The following KCNIP4 variants were observed in gnomAD, a reference collection of about 807,000 sequenced individuals.
The protein encoded by KCNIP4 is Kv channel-interacting protein 4.
KCNIP4 carries 12 observed loss-of-function variants against 34.0 expected under a neutral mutation model. That is an observed-to-expected ratio of 0.35 (90% CI 0.23 to 0.57). The LOEUF (loss-of-function observed/expected upper bound fraction) is 0.57. Ranked by LOEUF, KCNIP4 falls within the 20% of genes least tolerant of loss-of-function variation. The pLI, the probability that KCNIP4 is intolerant of heterozygous loss-of-function variation, is 0.83. For missense variants in KCNIP4, 238 were observed against 311.7 expected (o/e 0.76, Z 1.78); for synonymous variants, 124 against 102.2 (o/e 1.21, Z -1.29).
intron 1 of KCNIP4, among the ~76,000 whole-genome samples, chr4:21,397,309 C>A (rs987269513): frequency 6.6e-6 from 1 of 152,160 alleles, no homozygotes; most frequent in African/African-American, 2.4e-5. Context: ...TTCAATATTA[C>A]AAAATGCCCT....
At chr4:21,354,196 G>C (rs993835178) in intron 1 of KCNIP4, among the ~76,000 whole-genome samples, 3 of 152,120 alleles carry the variant, frequency 2.0e-5, no homozygotes. Context: ...GCAAAAACAT[G>C]CCAAATTGTA....
intron 7 of KCNIP4, 89 bp downstream of exon 7, chr4:20,732,592 G>T: frequency 1.3e-6 from 1 of 795,156 alleles, no homozygotes; most frequent in Non-Finnish European, 2.2e-6. Context: ...ATTTTCCTTT[G>T]CTCTCTTTTG....
At chr4:21,561,591 A>G (rs1179348472) in intron 1 of KCNIP4, among the ~76,000 whole-genome samples, 1 of 151,914 alleles carries the variant, frequency 6.6e-6, no homozygotes, top group Non-Finnish European at 1.5e-5. Context: ...CAGCAGTTCT[A>G]TTGTTTTTCC....
At position 21,234,942 on chromosome 4, in the gene KCNIP4, C is replaced by T. The variant is rs916349630; in HGVS notation, c.62-352233G>A. Among the ~76,000 whole-genome samples the T allele has an allele frequency of 8.5e-5, 13 of 152,196 alleles. No individual in the cohort carries two copies. In the South Asian group the frequency reaches 2.1e-3, roughly 24 times the overall value. On this transcript the variant is annotated intron_variant, in intron 1 of 8. Coordinates refer to ENST00000382152, the MANE Select transcript of KCNIP4 (RefSeq NM_025221.6). Reference sequence around the variant, plus strand: ...GGATTATAGGCATACGCCACCACTTCTGGCCATATTTTTTTAACGTATAAA... The same window carrying T: ...GGATTATAGGCATACGCCACCACTTTTGGCCATATTTTTTTAACGTATAAA...
Position 21,724,575 on chromosome 4 carries a change from T to TTC in KCNIP4, c.61+223995_61+223996insGA, listed in dbSNP as rs71940162. Among the ~76,000 whole-genome samples, 1,329 of 151,810 alleles carry TTC rather than the reference T, an allele frequency of 8.8e-3. 20 individuals are homozygous for TTC. The highest frequency in any genetic ancestry group is 0.039 in the South Asian group (188 of 4,808). On this transcript the variant is annotated intron_variant, in intron 1 of 8. Coordinates refer to ENST00000382152, the MANE Select transcript of KCNIP4 (RefSeq NM_025221.6). Reference sequence around the variant, plus strand: ...TACATAGGCTCAGTGAGGGCCTTTTTTTTTTTTAACCTCTTCAGTATCTTT... The same window carrying TTC: ...TACATAGGCTCAGTGAGGGCCTTTTTTCTTTTTTTAACCTCTTCAGTATCTTT...
intron 3 of KCNIP4, among the ~76,000 whole-genome samples, chr4:20,782,508 G>A (rs372397151): frequency 6.6e-6 from 1 of 152,058 alleles, no homozygotes; most frequent in Non-Finnish European, 1.5e-5. Flanking sequence ...CTTGTCTTCT[G>A]TGCAGGCTCA....
chr4:21,909,231 A>G (rs1560176521), intron 1 of KCNIP4, among the ~76,000 whole-genome samples: 1 of 152,126 alleles, frequency 6.6e-6, no homozygotes, highest in Non-Finnish European at 1.5e-5. Flanking sequence ...CCTCTAAGGG[A>G]CTGAATGATG....
At chr4:20,788,016 C>T (rs1426036795) in intron 3 of KCNIP4, among the ~76,000 whole-genome samples, 1 of 152,040 alleles carries the variant, frequency 6.6e-6, no homozygotes, top group Non-Finnish European at 1.5e-5. Flanking sequence ...TCCTTCCTCC[C>T]TATTTTTTTC....
chr4:21,460,252 C>T (rs1168252094), intron 1 of KCNIP4, among the ~76,000 whole-genome samples: 1 of 152,002 alleles, frequency 6.6e-6, no homozygotes, highest in Non-Finnish European at 1.5e-5. Context: ...AATCCCTTAC[C>T]CATCCCATAT....
At position 21,895,759 on chromosome 4, in the gene KCNIP4, G is replaced by C. The variant is rs1028054705; in HGVS notation, c.61+52812C>G. On this transcript the variant is annotated intron_variant, in intron 1 of 8. Coordinates refer to ENST00000382152, the MANE Select transcript of KCNIP4 (RefSeq NM_025221.6). ...TGAACAAAAAGGAGCTAATTAGAAAGTGGCCCATAGCATCTGTCCTCAGAT... is the reference window on the plus strand; with the variant it reads ...TGAACAAAAAGGAGCTAATTAGAAACTGGCCCATAGCATCTGTCCTCAGAT... Among the ~76,000 whole-genome samples, 7 of 152,194 alleles carry C rather than the reference G, an allele frequency of 4.6e-5. No individual in the cohort carries two copies. The South Asian group carries it at 1.4e-3, about 31-fold the overall frequency.
intron 1 of KCNIP4, among the ~76,000 whole-genome samples, chr4:21,530,900 G>A (rs1300221604): frequency 1.3e-5 from 2 of 152,144 alleles, no homozygotes; most frequent in Non-Finnish European, 2.9e-5. Flanking sequence ...AAAGGTATGA[G>A]CTACACTCAC....
chr4:21,109,279 G>C (rs1159198760), intron 1 of KCNIP4, among the ~76,000 whole-genome samples: 1 of 152,214 alleles, frequency 6.6e-6, no homozygotes, highest in Non-Finnish European at 1.5e-5. Flanking sequence ...CGGCTGCTTT[G>C]TTTACCTAAG....
chr4:20,766,331 G>A (rs1755410255), intron 3 of KCNIP4, among the ~76,000 whole-genome samples: 1 of 152,172 alleles, frequency 6.6e-6, no homozygotes, highest in Non-Finnish European at 1.5e-5. Flanking sequence ...TACTTTGGGA[G>A]GCCAAGGTGG....
chr4:21,697,270 T>G, intron 1 of KCNIP4: 5 of 1,360,192 alleles, frequency 3.7e-6, no homozygotes, highest in Non-Finnish European at 4.7e-6. Flanking sequence ...GAAATAGCCT[T>G]TCCTATTCCA....
chr4:20,964,108 G>T (rs1178545758), intron 1 of KCNIP4, among the ~76,000 whole-genome samples: 2 of 152,068 alleles, frequency 1.3e-5, no homozygotes, highest in Non-Finnish European at 2.9e-5. Flanking sequence ...GAACCTATAA[G>T]TATTTTACAT....
At chr4:21,755,689 G>A (rs1717460763) in intron 1 of KCNIP4, among the ~76,000 whole-genome samples, 1 of 152,048 alleles carries the variant, frequency 6.6e-6, no homozygotes, top group Non-Finnish European at 1.5e-5. Flanking sequence ...CACTTAACTG[G>A]TCAAATATCT....
At position 21,010,446 on chromosome 4, in the gene KCNIP4, C is replaced by A. The variant is rs1055770175; in HGVS notation, c.62-127737G>T. 2.0e-5 allele frequency among the ~76,000 whole-genome samples: 3 copies of A among 152,090 alleles called. No individual in the cohort carries two copies. The South Asian group carries it at 6.2e-4, about 31-fold the overall frequency. On this transcript the variant is annotated intron_variant, in intron 1 of 8. Transcript: ENST00000382152. The stretch of plus-strand genomic sequence containing the variant: ...AATGGCAGAGCACCTTTTTTTAATT[C>A]CCCAAAGAAAATGCCTGCAGACTTT...
chr4:21,621,423 G>A (rs551337468), intron 1 of KCNIP4, among the ~76,000 whole-genome samples: 96 of 152,262 alleles, frequency 6.3e-4, no homozygotes, highest in African/African-American at 2.2e-3. Context: ...GTGACGTGGT[G>A]TGAACATGCC....
intron 5 of KCNIP4, among the ~76,000 whole-genome samples, chr4:20,742,975 GATA>G (rs1452411455): frequency 6.6e-6 from 1 of 150,766 alleles, no homozygotes; most frequent in African/African-American, 2.5e-5. Flanking sequence ...TTGCTTCAAA[GATA>G]ATAAAATACC....
Sources: allele counts gnomAD v4.1 joint callset (sites outside exome capture counted in the v4.1 genomes callset), GRCh38; gene constraint gnomAD v4.1.1; transcripts MANE v1.5; gene names NCBI Gene and HGNC (gene_info 2026-07-23, HGNC 2026-07-21).